ZFR2: variants seen among roughly 807,000 people sequenced by gnomAD.
ZFR2 encodes the protein zinc finger RNA binding protein 2.
In ZFR2, 104 loss-of-function variants were observed where a neutral mutation model predicts 105.7. The ratio of observed to expected loss-of-function variants is 0.98; its 90% confidence interval spans 0.84 to 1.16. The LOEUF (loss-of-function observed/expected upper bound fraction) is 1.16, where lower values mean the gene tolerates loss of function less well. Ranked by LOEUF, ZFR2 falls within the 50% of genes most tolerant of loss-of-function variation. The probability of loss-of-function intolerance (pLI) is 0.00; values close to 1 mark genes in which losing one functional copy is unlikely to be tolerated. For synonymous variants in ZFR2, 634 were observed against 597.7 expected (o/e 1.06, Z -0.89); for missense variants, 1,425 against 1,355.5 (o/e 1.05, Z -0.80).
chr19:3,828,033 C>G (rs1470605280), intron 5 of ZFR2, among the ~76,000 whole-genome samples: 5 of 151,998 alleles, frequency 3.3e-5, no homozygotes. Context: ...GTTGGCCAAG[C>G]TGGTCTCGAA....
chr19:3,847,189 G>A (rs968263418), intron 1 of ZFR2, among the ~76,000 whole-genome samples: 1 of 152,198 alleles, frequency 6.6e-6, no homozygotes, highest in East Asian at 1.9e-4. Flanking sequence ...ACACACAGCA[G>A]GTGAAAGTTG....
In ZFR2 at chr19:3,823,996, T is replaced by C. The variant is rs1418646489; in HGVS notation, c.1214-593A>G. On this transcript the variant is annotated intron_variant, in intron 7 of 18. Coordinates refer to ENST00000262961, the MANE Select transcript of ZFR2 (RefSeq NM_015174.2). This position sits in a 1 kb window ranked among gnomAD's most constrained non-coding sequence, Gnocchi z 5.4. ...CTACACATTGGGACTGGTGACAACA[T>C]TGACTCAAATGAGTTGTGGGCTGGG... Among the ~76,000 whole-genome samples the C allele has an allele frequency of 1.3e-5, 2 of 152,126 alleles. No individual in the cohort carries two copies. The highest frequency in any genetic ancestry group is 2.9e-5 in the Non-Finnish European group (2 of 68,038).
At chr19:3,840,281 A>G (rs2038122078) in intron 1 of ZFR2, among the ~76,000 whole-genome samples, 2 of 151,296 alleles carry the variant, frequency 1.3e-5, no homozygotes, top group Non-Finnish European at 2.9e-5. Flanking sequence ...TCTGTCGCCC[A>G]GGCTGGAGTG....
At chr19:3,850,809 G>A (rs1450848258) in intron 1 of ZFR2, among the ~76,000 whole-genome samples, 1 of 151,308 alleles carries the variant, frequency 6.6e-6, no homozygotes, top group Non-Finnish European at 1.5e-5. Flanking sequence ...GGAGGCTGAG[G>A]TGGGAGGCTC....
At position 3,858,754 on chromosome 19, in the gene ZFR2, G is replaced by A. The variant is rs544008845; in HGVS notation, c.53+10211C>T. ...AATCACTTGAACCTGGGAGGCAGAGGTTGCAGTGAGCTGAGATTGCACCAC... is the reference window on the plus strand; with the variant it reads ...AATCACTTGAACCTGGGAGGCAGAGATTGCAGTGAGCTGAGATTGCACCAC... On this transcript the variant is annotated intron_variant, in intron 1 of 18. Transcript: ENST00000262961. The surrounding 1 kb of genome is among the most constrained non-coding windows in gnomAD (Gnocchi z 4.3). 6.6e-6 allele frequency among the ~76,000 whole-genome samples: 1 copy of A among 152,332 alleles called. No individual in the cohort carries two copies. The highest frequency in any genetic ancestry group is 2.4e-5 in the African/African-American group (1 of 41,572).
intron 1 of ZFR2, among the ~76,000 whole-genome samples, chr19:3,860,222 A>AT (rs2038357439): frequency 7.5e-6 from 1 of 133,866 alleles, no homozygotes; most frequent in Non-Finnish European, 1.6e-5. Flanking sequence ...TTTTTCAGAG[A>AT]TGGGGGGGGT....
At chr19:3,851,146 G>A (rs4806958) in intron 1 of ZFR2, among the ~76,000 whole-genome samples, 22,752 of 152,016 alleles carry the variant, frequency 0.15, 2,060 homozygotes, top group East Asian at 0.26. Flanking sequence ...AGGTGGAGAC[G>A]GTTAGAGAGG....
At position 3,831,808 on chromosome 19, in the gene ZFR2, C is replaced by T. The variant is rs771721199; in HGVS notation, c.450G>A (p.Ala150=). The change falls in exon 4 of 19, where the codon GCG becomes GCA. Residue 150 remains alanine, a synonymous_variant. Coordinates refer to ENST00000262961, the MANE Select transcript of ZFR2 (RefSeq NM_015174.2). ...CTGGCTGTCCGGACTCCACTATGGG[C>T]GCCTGCTGTGGGGGCTGAGCGTGGC... ...SHSHAQPPQQ[A]PIVESGQPAS... is the part of the protein sequence containing the mutation. The T allele has an allele frequency of 8.1e-6, 13 of 1,609,002 alleles. No homozygotes were observed. The highest frequency in any genetic ancestry group is 2.7e-5 in the African/African-American group (2 of 74,852).
Position 3,816,756 on chromosome 19 carries a change from A to G in ZFR2, c.2021T>C (p.Val674Ala), listed in dbSNP as rs372076884. Residue 674 changes from valine to alanine, a missense_variant, in exon 13 of 19, where the codon GTG (valine) becomes GCG (alanine). Coordinates refer to ENST00000262961, the MANE Select transcript of ZFR2 (RefSeq NM_015174.2). ...KGLLLRGDRN[V>A]RLALLCSEKP... ...CTCGGAGCAGAGCAGAGCGAGGCGC[A>G]CGTTCCTGTCCCCACGCAGGAGGAG... The G allele has an allele frequency of 1.5e-5, 24 of 1,612,096 alleles. No individual in the cohort carries two copies. Among genetic ancestry groups the G allele is most frequent in the South Asian group, 2.2e-5 (2 of 90,860 alleles).
At chr19:3,849,518 A>T (rs1224011339) in intron 1 of ZFR2, among the ~76,000 whole-genome samples, 1 of 152,206 alleles carries the variant, frequency 6.6e-6, no homozygotes, top group African/African-American at 2.4e-5. Flanking sequence ...CACCCACTCC[A>T]TGCCAGGAGC....
rs2037788945 is a variant in ZFR2 at position 3,813,326 on chromosome 19, G to T, written c.2242+494C>A. ...CCAAGACCCTCGCTGCCCCTAGCCT[G>T]GCCCGGCCCCTCACCCACCCTCCCA... On this transcript the variant is annotated intron_variant, in intron 14 of 18. Coordinates refer to ENST00000262961, the MANE Select transcript of ZFR2 (RefSeq NM_015174.2). This position sits in a 1 kb window ranked among gnomAD's most constrained non-coding sequence, Gnocchi z 4.4. Among the ~76,000 whole-genome samples, 1 of 152,192 alleles carries T rather than the reference G, an allele frequency of 6.6e-6. No individual in the cohort carries two copies. The highest frequency in any genetic ancestry group is 2.4e-5 in the African/African-American group (1 of 41,444).
At chr19:3,827,281 AC>A (rs1035137541) in intron 6 of ZFR2, among the ~76,000 whole-genome samples, 189 bp downstream of exon 6, 1 of 152,128 alleles carries the variant, frequency 6.6e-6, no homozygotes, top group African/African-American at 2.4e-5. Flanking sequence ...AAATAAAATA[AC>A]TGGAAAGGAG....
At position 3,827,562 on chromosome 19, in the gene ZFR2, A is replaced by G. The variant is rs1227406514; in HGVS notation, c.944T>C (p.Val315Ala). 1.3e-6 allele frequency: 2 copies of G among 1,565,246 alleles called. No homozygotes were observed. Among genetic ancestry groups the G allele is most frequent in the South Asian group, 1.2e-5 (1 of 85,088 alleles). The change falls in exon 6 of 19, where the codon GTG becomes GCG. Residue 315 changes from valine (V) to alanine (A), a missense_variant. Coordinates refer to ENST00000262961, the MANE Select transcript of ZFR2 (RefSeq NM_015174.2). ...GVQPNGSPRGVQAQLHCDLCA... is the reference protein window; with the variant it reads ...GVQPNGSPRGAQAQLHCDLCA... Reference sequence around the variant, plus strand: ...CAGGTCGCAATGCAGCTGCGCCTGCACCCCGCGCGGGCTCCCGTTGGGCTG... The same window carrying G: ...CAGGTCGCAATGCAGCTGCGCCTGCGCCCCGCGCGGGCTCCCGTTGGGCTG...
At chr19:3,847,735 C>A (rs966308166) in intron 1 of ZFR2, among the ~76,000 whole-genome samples, 1 of 152,162 alleles carries the variant, frequency 6.6e-6, no homozygotes, top group Admixed American at 6.6e-5. Flanking sequence ...TCCAATCTTT[C>A]GCCATTAAAG....
intron 12 of ZFR2, among the ~76,000 whole-genome samples, chr19:3,817,325 G>A (rs767471372): frequency 1.3e-5 from 2 of 151,968 alleles, no homozygotes; most frequent in Non-Finnish European, 2.9e-5. Flanking sequence ...TTGGGAGGCC[G>A]AGGTGGGCAG....
chr19:3,816,752 G>A lies in ZFR2; in HGVS notation c.2025C>T (p.Arg675=), dbSNP rs781617927. The part of the protein sequence containing the change: ...GLLLRGDRNV[R]LALLCSEKPT... ...GCTTCTCGGAGCAGAGCAGAGCGAGGCGCACGTTCCTGTCCCCACGCAGGA... is the reference window on the plus strand; with the variant it reads ...GCTTCTCGGAGCAGAGCAGAGCGAGACGCACGTTCCTGTCCCCACGCAGGA... The change falls in exon 13 of 19, where the codon CGC becomes CGT. Residue 675 remains arginine (R), a synonymous_variant. Coordinates refer to ENST00000262961, the MANE Select transcript of ZFR2 (RefSeq NM_015174.2). The A allele has an allele frequency of 1.2e-6, 2 of 1,612,352 alleles. No homozygotes were observed. Among genetic ancestry groups the A allele is most frequent in the Non-Finnish European group, 1.7e-6 (2 of 1,179,716 alleles).
At chr19:3,863,478 AGTGCAG>A (rs1453694123) in intron 1 of ZFR2, among the ~76,000 whole-genome samples, 15 of 152,178 alleles carry the variant, frequency 9.9e-5, no homozygotes, top group African/African-American at 3.6e-4. Context: ...CCCAGGCTGC[AGTGCAG>A]TGGTGCGATC....
intron 17 of ZFR2, among the ~76,000 whole-genome samples, chr19:3,807,958 T>C (rs1445352457): frequency 6.8e-6 from 1 of 147,812 alleles, no homozygotes; most frequent in Non-Finnish European, 1.5e-5. Context: ...TGCACTCATG[T>C]CTGTGTGTGC....
At chr19:3,868,904 G>A in intron 1 of ZFR2, 61 bp downstream of exon 1, 9 of 1,204,082 alleles carry the variant, frequency 7.5e-6, no homozygotes, top group Non-Finnish European at 9.5e-6. Context: ...AGGGGTAGGC[G>A]GGGTCCCGGC....
Sources: allele counts gnomAD v4.1 joint callset (sites outside exome capture counted in the v4.1 genomes callset), GRCh38; gene constraint gnomAD v4.1.1; non-coding constraint Gnocchi (gnomAD v3.1); transcripts MANE v1.5; gene names NCBI Gene and HGNC (gene_info 2026-07-23, HGNC 2026-07-21).